AKAP9: variants seen among roughly 807,000 people sequenced by gnomAD.
The protein encoded by AKAP9 is A-kinase anchor protein 9.
Under a neutral mutation model 488.5 loss-of-function variants are expected in AKAP9, and 311 were observed. The ratio of observed to expected loss-of-function variants is 0.64; its 90% CI spans 0.58 to 0.70. AKAP9 has a LOEUF of 0.70. AKAP9 is among the 30% of genes least tolerant of loss of function. The probability of loss-of-function intolerance (pLI) is 0.00; values close to 1 mark genes in which losing one functional copy is unlikely to be tolerated. For missense variants in AKAP9, 4,215 were observed against 4,374.5 expected, an observed-to-expected ratio of 0.96 and a Z score of 1.03; for synonymous variants, 1,462 against 1,483.5, an observed-to-expected ratio of 0.99 and a Z score of 0.33.
intron 43 of AKAP9, among the ~76,000 whole-genome samples, chr7:92,098,455 G>A (rs1817003959): frequency 6.6e-6 from 1 of 152,072 alleles, no homozygotes; most frequent in African/African-American, 2.4e-5. Context: ...TTACTGTATG[G>A]AGACAAGCTT....
chr7:92,048,360 A>G (rs1023177821), intron 21 of AKAP9, among the ~76,000 whole-genome samples: 6 of 152,186 alleles, frequency 3.9e-5, no homozygotes, highest in African/African-American at 1.4e-4. Flanking sequence ...AGTTGCTAAT[A>G]TTTGCTTCCT....
intron 44 of AKAP9, 69 bp from the exon 45 acceptor site, chr7:92,100,787 T>A: frequency 7.6e-6 from 12 of 1,570,880 alleles, no homozygotes; most frequent in Non-Finnish European, 9.6e-6. Flanking sequence ...ATCATGCAGA[T>A]ATCTTTTTAA....
chr7:92,062,266 T>C lies in AKAP9; in HGVS notation c.5765-8T>C. 2 of 1,605,720 alleles carry C rather than the reference T, an allele frequency of 1.2e-6. No individual in the cohort carries two copies. Among genetic ancestry groups the C allele is most frequent in the Non-Finnish European group, 1.7e-6 (2 of 1,172,800 alleles). On this transcript the variant is annotated splice_polypyrimidine_tract_variant and splice_region_variant and intron_variant, in intron 23 of 49. Coordinates refer to ENST00000356239, the MANE Select transcript of AKAP9 (RefSeq NM_005751.5). ...ATAGTTCTATTTTCTGTTAATTTTG[T>C]ATTATAGGCGTCATTGATGGCTATG...
chr7:92,062,218 A>G, intron 23 of AKAP9, 56 bp from the exon 24 acceptor site: 1 of 1,446,284 alleles, frequency 6.9e-7, no homozygotes. Flanking sequence ...ATTAAAACCT[A>G]GTGGTTGAAT....
intron 22 of AKAP9, among the ~76,000 whole-genome samples, chr7:92,060,864 T>A (rs1477172783): frequency 6.6e-6 from 1 of 152,198 alleles, no homozygotes; most frequent in Non-Finnish European, 1.5e-5. Flanking sequence ...CCGTAAATAC[T>A]AAATGTAGAA....
At chr7:92,053,382 T>C (rs1270433984) in intron 22 of AKAP9, among the ~76,000 whole-genome samples, 1 of 152,204 alleles carries the variant, frequency 6.6e-6, no homozygotes, top group Admixed American at 6.5e-5. Flanking sequence ...TATTTGTCTT[T>C]TGATAAGCAA....
intron 49 of AKAP9, 57 bp downstream of exon 49, chr7:92,108,690 CT>C: frequency 6.2e-7 from 1 of 1,604,200 alleles, no homozygotes; most frequent in Non-Finnish European, 8.5e-7. Flanking sequence ...CACAGCTCCC[CT>C]TTCTTTGAAA....
chr7:92,001,673 G>A lies in AKAP9; in HGVS notation c.1756G>A (p.Glu586Lys). ...TGCATCTGAATCCAGAAAGGAACTA[G>A]AATTAAAACATGAAGCAGAAGTTAC... ...VSASESRKEL[E>K]LKHEAEVTNY... The change falls in exon 8 of 50, where the codon GAA (glutamate) becomes AAA (lysine). Residue 586 changes from glutamate to lysine, a missense_variant. Glu to Lys is a moderately conservative substitution (Grantham distance 56). Around this residue, in one of 5 missense-constraint regions of AKAP9, gnomAD observed 2,361 missense variants for 2,430.0 expected, o/e 0.97. Transcript: ENST00000356239. The A allele has an allele frequency of 6.2e-7, 1 of 1,612,702 alleles. No individual in the cohort carries two copies. Among genetic ancestry groups the A allele is most frequent in the Non-Finnish European group, 8.5e-7 (1 of 1,179,436 alleles).
At position 92,038,690 on chromosome 7, in the gene AKAP9, A is replaced by T. The variant is rs1251741261; in HGVS notation, c.4610A>T (p.Asp1537Val). Residue 1537 changes from aspartate to valine, a missense_variant, in exon 17 of 50, where the codon GAT (aspartate) becomes GTT (valine). Physicochemically the swap from Asp to Val is radical, Grantham distance 152. Coordinates refer to ENST00000356239, the MANE Select transcript of AKAP9 (RefSeq NM_005751.5). ...EILLSNSDPHDIPESKDCVLT... is the reference protein window; with the variant it reads ...EILLSNSDPHVIPESKDCVLT... ...TTATTATCAAATAGTGATCCCCATG[A>T]TATACCAGAATCAAAGGACTGTGTG... 1.2e-5 allele frequency: 19 copies of T among 1,607,818 alleles called. No individual in the cohort carries two copies. Among genetic ancestry groups the T allele is most frequent in the Non-Finnish European group, 1.4e-5 (17 of 1,177,774 alleles).
At chr7:92,051,180 C>G (rs1807917334) in intron 21 of AKAP9, among the ~76,000 whole-genome samples, 1 of 152,206 alleles carries the variant, frequency 6.6e-6, no homozygotes, top group Non-Finnish European at 1.5e-5. Context: ...GCTCTCTCAC[C>G]TACCTCACCA....
intron 9 of AKAP9, among the ~76,000 whole-genome samples, chr7:92,013,204 G>A (rs970983299): frequency 5.3e-5 from 8 of 151,256 alleles, no homozygotes; most frequent in African/African-American, 1.5e-4. Flanking sequence ...TTTTAGCCGG[G>A]ATGGTCTCGA....
intron 1 of AKAP9, among the ~76,000 whole-genome samples, chr7:91,963,701 G>T (rs958151320): frequency 1.3e-5 from 2 of 152,108 alleles, no homozygotes; most frequent in African/African-American, 4.8e-5. Context: ...TGTATTTTTA[G>T]TAGAGATGTG....
chr7:92,016,403 T>A (rs541026845), intron 11 of AKAP9, 136 bp downstream of exon 11: 10 of 644,144 alleles, frequency 1.6e-5, no homozygotes, highest in Non-Finnish European at 2.3e-5. Flanking sequence ...TCCTTTCAGA[T>A]TCATGAAATC....
At chr7:92,035,089 T>G (rs554150768) in intron 16 of AKAP9, among the ~76,000 whole-genome samples, 1 of 152,362 alleles carries the variant, frequency 6.6e-6, no homozygotes, top group Non-Finnish European at 1.5e-5. Context: ...AAGCATAGCG[T>G]TACAGCTTTA....
intron 33 of AKAP9, among the ~76,000 whole-genome samples, chr7:92,084,291 G>A (rs1814122536): frequency 6.6e-6 from 1 of 152,178 alleles, no homozygotes; most frequent in Non-Finnish European, 1.5e-5. Context: ...AACGGGGGCA[G>A]TCTCTTCCTT....
At chr7:92,069,845 A>G (rs1811391881) in intron 26 of AKAP9, among the ~76,000 whole-genome samples, 185 bp from the exon 27 acceptor site, 1 of 152,126 alleles carries the variant, frequency 6.6e-6, no homozygotes, top group Non-Finnish European at 1.5e-5. Context: ...CGTGCCTGTA[A>G]ATAGCCACTG....
chr7:92,079,419 A>T lies in AKAP9; in HGVS notation c.7286A>T (p.Glu2429Val), dbSNP rs1314750582. The T allele has an allele frequency of 6.2e-7, 1 of 1,613,984 alleles. No homozygotes were observed. Among genetic ancestry groups the T allele is most frequent in the African/African-American group, 1.3e-5 (1 of 74,938 alleles). Residue 2429 changes from glutamate (E) to valine (V), a missense_variant, in exon 31 of 50, where the codon GAA (glutamate) becomes GTA (valine). By Grantham distance (121) the Glu-to-Val change is moderately radical. Around this residue, in one of 5 missense-constraint regions of AKAP9, gnomAD observed 1,476 missense variants for 1,477.4 expected, o/e 1.00. Transcript: ENST00000356239. Reference sequence around the variant, plus strand: ...TTTAAAATGAATCAGCTAACACAGGAATTATTCAGCTTAAAGAGAGAACGT... The same window carrying T: ...TTTAAAATGAATCAGCTAACACAGGTATTATTCAGCTTAAAGAGAGAACGT... Reference protein sequence around the residue: ...TNFKMNQLTQELFSLKRERES... With the variant: ...TNFKMNQLTQVLFSLKRERES...
chr7:92,090,397 G>A (rs190908343), intron 38 of AKAP9: 13 of 152,316 alleles, frequency 8.5e-5, no homozygotes, highest in African/African-American at 2.6e-4. Flanking sequence ...GGCTGACGTG[G>A]GTGGATCACG....
chr7:92,031,603 A>G lies in AKAP9; in HGVS notation c.4337A>G (p.Lys1446Arg), dbSNP rs1255419768. 1 of 1,597,896 alleles carries G rather than the reference A, an allele frequency of 6.3e-7. No homozygotes were observed. Among genetic ancestry groups the G allele is most frequent in the South Asian group, 1.1e-5 (1 of 90,692 alleles). Residue 1446 changes from lysine (K) to arginine (R), a missense_variant and splice_region_variant, in exon 16 of 50, where the codon AAG becomes AGG. Physicochemically the swap from Lys to Arg is conservative, Grantham distance 26. Transcript: ENST00000356239. ...GAACAATTAGAAGAAGAAGTAGCTA[A>G]GGTAGGCTTATAGCTTATCTGGAAG... ...YQEQLEEEVA[K>R]VIVSMSIAFA... is the part of the protein sequence containing the mutation.
Sources: allele counts gnomAD v4.1 joint callset (sites outside exome capture counted in the v4.1 genomes callset), GRCh38; gene constraint gnomAD v4.1.1; regional missense constraint gnomAD v4.1.1; transcripts MANE v1.5; gene names NCBI Gene and HGNC (gene_info 2026-07-23, HGNC 2026-07-21).